Variants in IMPG1 observed in about 807,000 individuals in gnomAD.
IMPG1 encodes interphotoreceptor matrix proteoglycan 1.
Under a neutral mutation model 92.0 loss-of-function variants are expected in IMPG1, and 85 were observed. That is an observed-to-expected ratio of 0.92 (90% CI 0.78 to 1.11). The LOEUF (loss-of-function observed/expected upper bound fraction) is 1.11. Among genes scored for constraint, IMPG1 ranks in the 50% least tolerant of loss-of-function variants. The probability of loss-of-function intolerance (pLI) is 0.00; values close to 1 mark genes in which losing one functional copy is unlikely to be tolerated. For synonymous variants in IMPG1, 367 were observed against 334.1 expected (o/e 1.10, Z -1.08); for missense variants, 1,022 against 956.0 (o/e 1.07, Z -0.91).
In IMPG1 at chr6:75,934,631, A is replaced by G. The variant is rs78760597; in HGVS notation, c.2045-3480T>C. Among the ~76,000 whole-genome samples, 1,214 of 152,338 alleles carry G rather than the reference A, an allele frequency of 8.0e-3. 17 individuals carry two copies. The highest frequency in any genetic ancestry group is 0.027 in the African/African-American group (1,123 of 41,570). On this transcript the variant is annotated intron_variant, in intron 14 of 16. Coordinates refer to ENST00000369950, the MANE Select transcript of IMPG1 (RefSeq NM_001563.4). ...AAGTTTATAAATTCATGGAGATCAT[A>G]GGTCCCTGTTGGTCCAAGACTGCCT...
intron 14 of IMPG1, among the ~76,000 whole-genome samples, chr6:75,938,432 G>A (rs750739751): frequency 1.3e-5 from 2 of 152,188 alleles, no homozygotes; most frequent in African/African-American, 2.4e-5. Flanking sequence ...AGACTTAATT[G>A]GAATTTGTTT....
intron 1 of IMPG1, among the ~76,000 whole-genome samples, chr6:76,071,700 T>C (rs562891647): frequency 2.0e-5 from 3 of 152,238 alleles, no homozygotes; most frequent in South Asian, 2.1e-4. Flanking sequence ...TGACTTCAAA[T>C]GTCTTAAAAA....
chr6:75,946,359 C>T (rs1335945946), intron 14 of IMPG1, among the ~76,000 whole-genome samples: 7 of 152,294 alleles, frequency 4.6e-5, no homozygotes, highest in Non-Finnish European at 7.4e-5. Flanking sequence ...TGCCCATGGC[C>T]TCTTCCTTCT....
chr6:75,938,221 G>A (rs1781780339), intron 14 of IMPG1, among the ~76,000 whole-genome samples: 1 of 152,184 alleles, frequency 6.6e-6, no homozygotes, highest in African/African-American at 2.4e-5. Context: ...CTAATGGATT[G>A]CTAATCCTCA....
intron 7 of IMPG1, among the ~76,000 whole-genome samples, chr6:76,012,929 TACCTTCCCTCCC>T (rs1783214114): frequency 6.6e-6 from 1 of 152,098 alleles, no homozygotes; most frequent in African/African-American, 2.4e-5. Flanking sequence ...CATCCCTAGA[TACCTTCCCTCCC>T]ACCCCCCACA....
rs1466203840 is a variant in IMPG1 at position 76,034,250 on chromosome 6, A to G, written c.497+65T>C. On this transcript the variant is annotated intron_variant, in intron 4 of 16. Coordinates refer to ENST00000369950, the MANE Select transcript of IMPG1 (RefSeq NM_001563.4). ...CCTACAGGTAGAATAGCTTAGTTTCACTCCATTATATGATCTTTTTAAATT... is the reference window on the plus strand; with the variant it reads ...CCTACAGGTAGAATAGCTTAGTTTCGCTCCATTATATGATCTTTTTAAATT... 4.1e-6 allele frequency: 6 copies of G among 1,465,978 alleles called. No individual in the cohort carries two copies. The African/African-American group carries it at 7.0e-5, about 17-fold the overall frequency. The allele number at this position is 1,465,978 out of a possible 1,614,324, so 90.8% of individuals were successfully genotyped here. A position where few individuals can be genotyped will look rare whatever the true frequency, so the allele number is the denominator to read the frequency against.
At chr6:76,018,894 C>G (rs749461575) in intron 6 of IMPG1, 36 bp from the exon 7 acceptor site, 2 of 1,535,906 alleles carry the variant, frequency 1.3e-6, no homozygotes, top group South Asian at 1.2e-5. Flanking sequence ...CTTCTGTTAA[C>G]CTAAACCACA....
intron 7 of IMPG1, among the ~76,000 whole-genome samples, chr6:76,014,570 G>A (rs1783249271): frequency 6.6e-6 from 1 of 152,154 alleles, no homozygotes; most frequent in Admixed American, 6.5e-5. Flanking sequence ...CAGGGAATTT[G>A]CCATGCTATT....
intron 13 of IMPG1, among the ~76,000 whole-genome samples, chr6:75,949,677 G>T (rs915682746): frequency 2.0e-5 from 3 of 152,048 alleles, no homozygotes; most frequent in African/African-American, 7.2e-5. Flanking sequence ...TCTGTAACAG[G>T]TTCACAGGGA....
At chr6:75,974,428 G>GCTTCCTTCCTTCCTTCCTTCCTTCCTTC (rs1224488663) in intron 12 of IMPG1, among the ~76,000 whole-genome samples, 7 of 96,314 alleles carry the variant, frequency 7.3e-5, no homozygotes, top group Non-Finnish European at 1.4e-4. Context: ...TTCCTTCCTT[G>GCTTCCTTCCTTCCTTCCTTCCTTCCTTC]CTTCCTTCCT....
In IMPG1 at chr6:75,988,949, C is replaced by T. The variant is rs543094637; in HGVS notation, c.1291+13969G>A. On this transcript the variant is annotated intron_variant, in intron 12 of 16. Transcript: ENST00000369950. ...TTCAACCCTCTTCTGTTGCCCTTCACATCCAATGATTGAAATAAATGTTTC... is the reference window on the plus strand; with the variant it reads ...TTCAACCCTCTTCTGTTGCCCTTCATATCCAATGATTGAAATAAATGTTTC... Among the ~76,000 whole-genome samples, 68 of 152,318 alleles carry T rather than the reference C, an allele frequency of 4.5e-4. 1 individual carries two copies. The South Asian group carries it at 0.014, about 32-fold the overall frequency.
intron 2 of IMPG1, among the ~76,000 whole-genome samples, chr6:76,040,555 T>A (rs574816998): frequency 6.6e-6 from 1 of 152,310 alleles, no homozygotes; most frequent in East Asian, 1.9e-4. Flanking sequence ...CCAACAAGCA[T>A]TGGCTAGTAC....
chr6:75,966,383 G>A (rs768761572), intron 12 of IMPG1, among the ~76,000 whole-genome samples: 11 of 152,226 alleles, frequency 7.2e-5, no homozygotes, highest in Middle Eastern at 6.8e-3. Flanking sequence ...AGGCCATGAG[G>A]ACTCCCATGT....
intron 2 of IMPG1, among the ~76,000 whole-genome samples, chr6:76,038,850 A>G (rs780250584): frequency 1.9e-4 from 29 of 152,270 alleles, no homozygotes; most frequent in Non-Finnish European, 3.5e-4. Flanking sequence ...CAGGGAGCAC[A>G]TACCCTGGAG....
At chr6:76,025,524 G>A (rs1783510132) in intron 4 of IMPG1, among the ~76,000 whole-genome samples, 1 of 152,110 alleles carries the variant, frequency 6.6e-6, no homozygotes, top group Non-Finnish European at 1.5e-5. Flanking sequence ...CTGGGGTTCT[G>A]TGGTAGGCAA....
chr6:76,022,912 T>C (rs1277506554), intron 5 of IMPG1, among the ~76,000 whole-genome samples: 2 of 152,244 alleles, frequency 1.3e-5, no homozygotes, highest in Non-Finnish European at 2.9e-5. Flanking sequence ...CAACTTTCCA[T>C]TTCAACCTTA....
intron 12 of IMPG1, among the ~76,000 whole-genome samples, chr6:75,956,332 T>C (rs1367337767): frequency 6.6e-6 from 1 of 152,202 alleles, no homozygotes; most frequent in African/African-American, 2.4e-5. Context: ...TGGGAGGGTG[T>C]ATGTGTCCAG....
chr6:75,936,856 A>G (rs2149452400), intron 14 of IMPG1, among the ~76,000 whole-genome samples: 1 of 152,246 alleles, frequency 6.6e-6, no homozygotes, highest in East Asian at 1.9e-4. Flanking sequence ...CTAAGCCCGG[A>G]CTTGTGTGGA....
At chr6:75,925,350 G>T (rs1232709177) in intron 15 of IMPG1, among the ~76,000 whole-genome samples, 1 of 151,716 alleles carries the variant, frequency 6.6e-6, no homozygotes, top group Non-Finnish European at 1.5e-5. Flanking sequence ...TTTCCTCTTT[G>T]CATTATAAAA....
Sources: allele counts gnomAD v4.1 joint callset (sites outside exome capture counted in the v4.1 genomes callset), GRCh38; gene constraint gnomAD v4.1.1; transcripts MANE v1.5; gene names NCBI Gene and HGNC (gene_info 2026-07-23, HGNC 2026-07-21).